SYDE2: variants seen among roughly 807,000 people sequenced by gnomAD.
The protein encoded by SYDE2 is rho GTPase-activating protein SYDE2.
SYDE2 carries 76 observed loss-of-function variants against 91.5 expected under a neutral mutation model. The observed-to-expected ratio is 0.83, with a 90% CI of 0.69 to 1.01. The LOEUF (loss-of-function observed/expected upper bound fraction) is 1.01, where lower values mean the gene tolerates loss of function less well. Among genes scored for constraint, SYDE2 ranks in the 50% least tolerant of loss-of-function variants. The probability of loss-of-function intolerance (pLI) is 0.00; values close to 1 mark genes in which losing one functional copy is unlikely to be tolerated. For missense variants in SYDE2, 1,364 were observed against 1,367.7 expected, an observed-to-expected ratio of 1.00 and a Z score of 0.04; for synonymous variants, 513 against 506.4, an observed-to-expected ratio of 1.01 and a Z score of -0.18.
rs750249573 is a variant in SYDE2, at chr1:85,190,323, G to A, written c.1175C>T (p.Ala392Val). The A allele has an allele frequency of 6.2e-7, 1 of 1,613,864 alleles. No homozygotes were observed. The highest frequency in any genetic ancestry group is 8.5e-7 in the Non-Finnish European group (1 of 1,179,884). The change falls in exon 2 of 7, where the codon GCC (alanine) becomes GTC (valine). Residue 392 changes from alanine (A) to valine (V), a missense_variant. Physicochemically the swap from Ala to Val is moderately conservative, Grantham distance 64. Coordinates refer to ENST00000341460, the MANE Select transcript of SYDE2 (RefSeq NM_032184.2). ...AGGGAGCTTCAGAACAGCAGAGTCG[G>A]CCTCACCAAAACTCAAGGCACTTGA... ...GISSALSFGE[A>V]DSAVLKLPAV...
chr1:85,155,009 C>CAAAAAAAAAAAAAAAAGAAAAAA (rs1656845777), downstream of SYDE2, among the ~76,000 whole-genome samples: 1 of 80,676 alleles, frequency 1.2e-5, no homozygotes, highest in African/African-American at 6.3e-5. Flanking sequence ...AAGAATGCAG[C>CAAAAAAAAAAAAAAAAGAAAAAA]AAAAAAAAAA....
chr1:85,168,926 A>G, intron 5 of SYDE2, 118 bp downstream of exon 5: 3 of 874,646 alleles, frequency 3.4e-6, no homozygotes, highest in Non-Finnish European at 5.5e-6. Flanking sequence ...GTAATGGCAG[A>G]GCTTTTAAAT....
chr1:85,184,187 T>A (rs1658039865), intron 2 of SYDE2, among the ~76,000 whole-genome samples: 1 of 152,174 alleles, frequency 6.6e-6, no homozygotes, highest in Non-Finnish European at 1.5e-5. Context: ...GCACACTCCT[T>A]CAGCACCTAG....
At chr1:85,172,445 T>C (rs1657535308) in intron 4 of SYDE2, among the ~76,000 whole-genome samples, 1 of 145,572 alleles carries the variant, frequency 6.9e-6, no homozygotes, top group African/African-American at 2.8e-5. Context: ...ATAATATTGA[T>C]TTTTTTTTTC....
chr1:85,174,053 A>G (rs1657600045), intron 4 of SYDE2, among the ~76,000 whole-genome samples: 1 of 92,440 alleles, frequency 1.1e-5, no homozygotes, highest in African/African-American at 6.4e-5. Flanking sequence ...GAAAAAGCTG[A>G]AAAAAAAATA....
chr1:85,187,031 CAA>C (rs1658169266), intron 2 of SYDE2, among the ~76,000 whole-genome samples: 1 of 151,472 alleles, frequency 6.6e-6, no homozygotes, highest in Non-Finnish European at 1.5e-5. Flanking sequence ...TAATTAAACT[CAA>C]GAGCTTCTGC....
Position 85,190,619 on chromosome 1 carries a change from C to G in SYDE2, c.879G>C (p.Gln293His). The stretch of plus-strand genomic sequence containing the variant: ...CCAGATTAAGAGGCCTCAGAGTACT[C>G]TGATATAGCCAATTGCGTTTCTTTG... ...TVSKKRNWLY[Q>H]STLRPLNLEE... Residue 293 changes from glutamine (Q) to histidine (H), a missense_variant, in exon 2 of 7, where the codon CAG becomes CAC. Physicochemically the swap from Gln to His is conservative, Grantham distance 24 (BLOSUM62 0). Coordinates refer to ENST00000341460, the MANE Select transcript of SYDE2 (RefSeq NM_032184.2). 1 of 1,613,928 alleles carries G rather than the reference C, an allele frequency of 6.2e-7. No homozygotes were observed. Among genetic ancestry groups the G allele is most frequent in the East Asian group, 2.2e-5 (1 of 44,870 alleles).
At chr1:85,179,321 A>T (rs1657824827) in intron 3 of SYDE2, among the ~76,000 whole-genome samples, 1 of 152,164 alleles carries the variant, frequency 6.6e-6, no homozygotes, top group Non-Finnish European at 1.5e-5. Flanking sequence ...ATACAAATGA[A>T]ATTTCCAGGG....
chr1:85,155,009 CAAA>C, downstream of SYDE2, among the ~76,000 whole-genome samples: 18 of 80,644 alleles, frequency 2.2e-4, no homozygotes, highest in African/African-American at 3.7e-4. Flanking sequence ...AAGAATGCAG[CAAA>C]AAAAAAAAAA....
chr1:85,163,445 CTA>C (rs55977750), intron 6 of SYDE2, among the ~76,000 whole-genome samples: 6,480 of 87,276 alleles, frequency 0.074, 217 homozygotes, highest in African/African-American at 0.12. Flanking sequence ...GTACTTTAAT[CTA>C]TATATATATA....
In SYDE2 at chr1:85,183,173, C is replaced by G; in HGVS notation, c.1469G>C (p.Ser490Thr). Residue 490 changes from serine (S) to threonine (T), a missense_variant, in exon 3 of 7, where the codon AGT (serine) becomes ACT (threonine). Transcript: ENST00000341460. Reference sequence around the variant, plus strand: ...TGGTTCCATAATTCCCAATTCAGTACTATTTGTAGCAGCCAGGATCCCAGA... The same window carrying G: ...TGGTTCCATAATTCCCAATTCAGTAGTATTTGTAGCAGCCAGGATCCCAGA... ...AGSGILAATN[S>T]TELGIMEPSS... The G allele has an allele frequency of 1.3e-6, 2 of 1,575,758 alleles. No individual in the cohort carries two copies. The highest frequency in any genetic ancestry group is 1.7e-6 in the Non-Finnish European group (2 of 1,166,268).
intron 4 of SYDE2, among the ~76,000 whole-genome samples, chr1:85,176,551 A>G (rs1657706246): frequency 6.6e-6 from 1 of 152,212 alleles, no homozygotes. Flanking sequence ...GTACAAGATG[A>G]ACCTTCCTCA....
In SYDE2 at chr1:85,200,750, A is replaced by C. The variant is rs1262711371; in HGVS notation, c.247T>G (p.Cys83Gly). 2.0e-6 allele frequency: 3 copies of C among 1,530,434 alleles called. No individual in the cohort carries two copies. The South Asian group carries it at 3.6e-5, about 18-fold the overall frequency. The allele number at this position is 1,530,434 out of a possible 1,614,324, so 94.8% of individuals were successfully genotyped here. ...QLRTPRMRPS[C>G]SRSLESLRVG... ...CGGAGGCTCTCGAGGCTTCTGCTGC[A>C]GGACGGCCGCATCCGAGGAGTCCGC... The change falls in exon 1 of 7, where the codon TGC (cysteine) becomes GGC (glycine). Residue 83 changes from cysteine to glycine, a missense_variant. By Grantham distance (159) the Cys-to-Gly change is radical. Coordinates refer to ENST00000341460, the MANE Select transcript of SYDE2 (RefSeq NM_032184.2).
chr1:85,189,796 C>A (rs1440526691), intron 2 of SYDE2, among the ~76,000 whole-genome samples: 2 of 152,140 alleles, frequency 1.3e-5, no homozygotes, highest in Non-Finnish European at 2.9e-5. Flanking sequence ...GATTGTGCCA[C>A]TGCACTCTAG....
chr1:85,156,195 A>G (rs1215685542), downstream of SYDE2, among the ~76,000 whole-genome samples: 1 of 152,160 alleles, frequency 6.6e-6, no homozygotes, highest in East Asian at 1.9e-4. Flanking sequence ...ATCCATCTGA[A>G]TTGTTTAGAA....
Position 85,195,077 on chromosome 1 carries a change from G to A in SYDE2, c.746-4325C>T, listed in dbSNP as rs138014784. Among the ~76,000 whole-genome samples, 749 of 151,838 alleles carry A rather than the reference G, an allele frequency of 4.9e-3. 5 individuals are homozygous for A. The highest frequency in any genetic ancestry group is 0.017 in the African/African-American group (694 of 41,406). On this transcript the variant is annotated intron_variant, in intron 1 of 6. Transcript: ENST00000341460. ...CGGGAGGCTGAGGCAGGAGAATGGC[G>A]TGAACCCGCGAGGCAGAGCTTGCAT...
chr1:85,201,004 A>G lies in SYDE2; in HGVS notation c.-8T>C. ...AGGGGGCAGGTCGTGCATGGCCTGG[A>G]TCAGCAGATAATAGGCCTCTCGCAA... On this transcript the variant is annotated 5_prime_UTR_variant, in exon 1 of 7. Coordinates refer to ENST00000341460, the MANE Select transcript of SYDE2 (RefSeq NM_032184.2). The G allele has an allele frequency of 7.8e-7, 1 of 1,290,084 alleles. No individual in the cohort carries two copies. The highest frequency in any genetic ancestry group is 9.7e-7 in the Non-Finnish European group (1 of 1,025,708). The allele number at this position is 1,290,084 out of a possible 1,614,324, so 79.9% of individuals were successfully genotyped here.
intron 1 of SYDE2, among the ~76,000 whole-genome samples, chr1:85,191,868 T>C (rs1485511168): frequency 6.6e-6 from 1 of 152,126 alleles, no homozygotes; most frequent in East Asian, 1.9e-4. Flanking sequence ...ATTAATTTCA[T>C]CTAAAGAGGA....
chr1:85,190,287 A>G lies in SYDE2; in HGVS notation c.1211T>C (p.Leu404Ser). The stretch of plus-strand genomic sequence containing the variant: ...CAGGTCACTGCCAGACAACATGCTC[A>G]AATTGACAGCAGGGAGCTTCAGAAC... ...SAVLKLPAVNLSMLSGSDLMK... is the reference protein window; with the variant it reads ...SAVLKLPAVNSSMLSGSDLMK... Residue 404 changes from leucine (L) to serine (S), a missense_variant, in exon 2 of 7, where the codon TTG becomes TCG. Transcript: ENST00000341460. 1 of 1,613,982 alleles carries G rather than the reference A, an allele frequency of 6.2e-7. No individual in the cohort carries two copies. The highest frequency in any genetic ancestry group is 1.3e-5 in the African/African-American group (1 of 75,042).
Sources: allele counts gnomAD v4.1 joint callset (sites outside exome capture counted in the v4.1 genomes callset), GRCh38; gene constraint gnomAD v4.1.1; transcripts MANE v1.5; gene names NCBI Gene and HGNC (gene_info 2026-07-23, HGNC 2026-07-21).